The following ZDHHC11B variants were observed in gnomAD, a reference collection of about 807,000 sequenced individuals.
The protein encoded by ZDHHC11B is probable palmitoyltransferase ZDHHC11B.
ZDHHC11B carries 17 observed loss-of-function variants against 42.3 expected under a neutral mutation model. The observed-to-expected ratio is 0.40, with a 90% CI of 0.27 to 0.60. The LOEUF (loss-of-function observed/expected upper bound fraction) is 0.60, where lower values mean the gene tolerates loss of function less well. ZDHHC11B is among the 20% of genes least tolerant of loss of function. The probability of loss-of-function intolerance (pLI) is 0.41; values close to 1 mark genes in which losing one functional copy is unlikely to be tolerated. For synonymous variants in ZDHHC11B, 123 were observed against 193.5 expected (o/e 0.64, Z 3.02); for missense variants, 262 against 463.2 (o/e 0.57, Z 3.99).
intron 12 of ZDHHC11B, among the ~76,000 whole-genome samples, chr5:721,697 A>T (rs563260040): frequency 1.3e-5 from 2 of 151,832 alleles, no homozygotes; most frequent in South Asian, 4.2e-4. Context: ...ACGTCAGGAC[A>T]CCAGAGGTGT....
chr5:729,907 T>C (rs422797), intron 12 of ZDHHC11B, among the ~76,000 whole-genome samples: 60,083 of 141,608 alleles, frequency 0.42, 8,903 homozygotes, highest in African/African-American at 0.6. Flanking sequence ...GTCATGGCTG[T>C]ACAATTTTAT....
chr5:753,823 C>T lies in ZDHHC11B; in HGVS notation c.503+1175G>A, dbSNP rs534422191. Among the ~76,000 whole-genome samples the T allele has an allele frequency of 3.7e-3, 549 of 147,710 alleles. 10 individuals are homozygous for T. The highest frequency in any genetic ancestry group is 4.9e-3 in the Non-Finnish European group (327 of 66,714). On this transcript the variant is annotated intron_variant, in intron 6 of 13. Coordinates refer to ENST00000508859, the MANE Select transcript of ZDHHC11B (RefSeq NM_001351303.2). Reference sequence around the variant, plus strand: ...GCAGGGAGGCAGGGCAGGGACCCCCCGGTGCGTCCTGTGACACCAGGCAAC... The same window carrying T: ...GCAGGGAGGCAGGGCAGGGACCCCCTGGTGCGTCCTGTGACACCAGGCAAC...
intron 12 of ZDHHC11B, among the ~76,000 whole-genome samples, chr5:729,696 C>A (rs1335323018): frequency 6.6e-6 from 1 of 150,460 alleles, no homozygotes; most frequent in Non-Finnish European, 1.5e-5. Context: ...TATCTAAACC[C>A]TAAAACTCTG....
chr5:737,351 A>G (rs1743646320), intron 10 of ZDHHC11B, among the ~76,000 whole-genome samples: 1 of 149,250 alleles, frequency 6.7e-6, no homozygotes, highest in Non-Finnish European at 1.5e-5. Context: ...TCCAGGATGT[A>G]TTCACAGCTG....
chr5:739,218 G>A (rs1468840474), intron 10 of ZDHHC11B, among the ~76,000 whole-genome samples: 3 of 150,758 alleles, frequency 2.0e-5, no homozygotes, highest in East Asian at 2.0e-4. Context: ...GGCCAACATG[G>A]TGAAACTTGT....
chr5:770,774 G>A (rs1735957959), intron 1 of ZDHHC11B, among the ~76,000 whole-genome samples: 1 of 152,012 alleles, frequency 6.6e-6, no homozygotes, highest in Admixed American at 6.6e-5. Context: ...CCAGTGTGCA[G>A]GGCTGAGGCA....
chr5:767,281 G>T, intron 3 of ZDHHC11B, 111 bp downstream of exon 3: 1 of 1,267,978 alleles, frequency 7.9e-7, no homozygotes, highest in Non-Finnish European at 1.1e-6. Flanking sequence ...CCATCTGGAC[G>T]GCTGCGGGAT....
In ZDHHC11B at chr5:745,778, G is replaced by A. The variant is rs1441360617; in HGVS notation, c.785-480C>T. Among the ~76,000 whole-genome samples, 32 of 150,010 alleles carry A rather than the reference G, an allele frequency of 2.1e-4. 4 individuals carry two copies. In the Admixed American group the frequency reaches 2.1e-3, roughly 10 times the overall value. ...ACACTGGGTGGGGCGCACCTTGGGGGATGCACAGAGACCCCACAGTCGGAG... is the reference window on the plus strand; with the variant it reads ...ACACTGGGTGGGGCGCACCTTGGGGAATGCACAGAGACCCCACAGTCGGAG... On this transcript the variant is annotated intron_variant, in intron 8 of 13. Transcript: ENST00000508859.
chr5:762,664 T>C (rs1425607695), intron 4 of ZDHHC11B, among the ~76,000 whole-genome samples: 3 of 151,766 alleles, frequency 2.0e-5, no homozygotes, highest in African/African-American at 7.3e-5. Flanking sequence ...TCTGTGCATG[T>C]GCTCACAGAA....
intron 12 of ZDHHC11B, among the ~76,000 whole-genome samples, chr5:722,178 A>T (rs1742240557): frequency 6.6e-6 from 1 of 151,894 alleles, no homozygotes; most frequent in Non-Finnish European, 1.5e-5. Context: ...AAGACCAAAA[A>T]GCATTACTTA....
chr5:765,800 A>G (rs1263406469), intron 4 of ZDHHC11B, among the ~76,000 whole-genome samples: 1 of 151,924 alleles, frequency 6.6e-6, no homozygotes, highest in East Asian at 1.9e-4. Context: ...CATCAGAAGG[A>G]ACAAACTCCA....
intron 8 of ZDHHC11B, among the ~76,000 whole-genome samples, chr5:746,242 G>A (rs1744797528): frequency 6.8e-6 from 1 of 146,464 alleles, no homozygotes; most frequent in Non-Finnish European, 1.5e-5. Flanking sequence ...GACTGGGGCG[G>A]CCGCCCACAG....
At chr5:765,299 A>T (rs1476103767) in intron 4 of ZDHHC11B, among the ~76,000 whole-genome samples, 1 of 151,356 alleles carries the variant, frequency 6.6e-6, no homozygotes, top group Admixed American at 6.6e-5. Flanking sequence ...GTATCTAGCT[A>T]ATCTGGTGGG....
At chr5:745,682 G>T (rs1744717784) in intron 8 of ZDHHC11B, among the ~76,000 whole-genome samples, 1 of 150,256 alleles carries the variant, frequency 6.7e-6, no homozygotes, top group East Asian at 2.0e-4. Context: ...GCTGGCAGGG[G>T]TAAGAGGCCA....
At chr5:766,132 C>G (rs1292107107) in intron 4 of ZDHHC11B, among the ~76,000 whole-genome samples, 1 of 151,840 alleles carries the variant, frequency 6.6e-6, no homozygotes, top group Non-Finnish European at 1.5e-5. Context: ...CATGGACATG[C>G]ACCCTGGGAG....
At chr5:729,246 C>T (rs1353177779) in intron 12 of ZDHHC11B, among the ~76,000 whole-genome samples, 41 of 151,300 alleles carry the variant, frequency 2.7e-4, no homozygotes, top group African/African-American at 9.5e-4. Flanking sequence ...ATAATGTCGG[C>T]CGTGTCACTG....
intron 1 of ZDHHC11B, among the ~76,000 whole-genome samples, chr5:774,417 C>T (rs1406699305): frequency 2.6e-5 from 4 of 152,158 alleles, no homozygotes; most frequent in East Asian, 1.9e-4. Context: ...ACAGGGGTCT[C>T]GCACTTGGGC....
At chr5:751,570 TGCAGAG>T (rs1342970560) in intron 6 of ZDHHC11B, among the ~76,000 whole-genome samples, 2 of 51,606 alleles carry the variant, frequency 3.9e-5, no homozygotes, top group Non-Finnish European at 7.7e-5. Context: ...AGGTGGGGGG[TGCAGAG>T]GCAGGGATGG....
At chr5:767,050 T>C in intron 3 of ZDHHC11B, 131 bp from the exon 4 acceptor site, 2 of 1,179,520 alleles carry the variant, frequency 1.7e-6, no homozygotes, top group Non-Finnish European at 1.2e-6. Flanking sequence ...TGGCCCAGCA[T>C]TGCCTGGGGC....
Sources: allele counts gnomAD v4.1 joint callset (sites outside exome capture counted in the v4.1 genomes callset), GRCh38; gene constraint gnomAD v4.1.1; transcripts MANE v1.5; gene names NCBI Gene and HGNC (gene_info 2026-07-23, HGNC 2026-07-21).